MAP3K1: variants seen among roughly 807,000 people sequenced by gnomAD.
The protein encoded by MAP3K1 is mitogen-activated protein kinase kinase kinase 1.
Under a neutral mutation model 144.2 loss-of-function variants are expected in MAP3K1, and 36 were observed. The observed-to-expected ratio is 0.25, with a 90% CI of 0.19 to 0.33. The LOEUF is 0.33. Ranked by LOEUF, MAP3K1 falls within the 10% of genes least tolerant of loss-of-function variation. The pLI, the probability that MAP3K1 is intolerant of heterozygous loss-of-function variation, is 1.00. For missense variants in MAP3K1, 1,650 were observed against 1,881.9 expected, an observed-to-expected ratio of 0.88 and a Z score of 2.28; for synonymous variants, 718 against 688.7, an observed-to-expected ratio of 1.04 and a Z score of -0.67.
chr5:56,817,316 C>G (rs1031161146), intron 1 of MAP3K1, among the ~76,000 whole-genome samples: 1 of 152,148 alleles, frequency 6.6e-6, no homozygotes, highest in Non-Finnish European at 1.5e-5. Flanking sequence ...CCTCGTGGCC[C>G]TGTAGAATTC....
At chr5:56,836,846 A>G (rs925584541) in intron 1 of MAP3K1, among the ~76,000 whole-genome samples, 3 of 152,162 alleles carry the variant, frequency 2.0e-5, no homozygotes, top group African/African-American at 7.2e-5. Context: ...CAGTGAACAC[A>G]ATCGATTCAA....
At chr5:56,851,205 C>A (rs532364756) in intron 1 of MAP3K1, among the ~76,000 whole-genome samples, 2 of 152,318 alleles carry the variant, frequency 1.3e-5, no homozygotes, top group South Asian at 4.2e-4. Context: ...CTCGGCCTCT[C>A]AAAGTGCTGG....
intron 1 of MAP3K1, among the ~76,000 whole-genome samples, chr5:56,838,008 G>A (rs1001398713): frequency 6.6e-6 from 1 of 152,188 alleles, no homozygotes; most frequent in African/African-American, 2.4e-5. Flanking sequence ...AGGAAAACTA[G>A]ATAAACTAGG....
At chr5:56,866,031 G>A (rs957313347) in intron 6 of MAP3K1, 54 bp downstream of exon 6, 1 of 1,397,994 alleles carries the variant, frequency 7.2e-7, no homozygotes, top group African/African-American at 1.4e-5. Context: ...TTTAATTTTA[G>A]GGGTAATTTT....
At chr5:56,854,030 A>T (rs1747257855) in intron 1 of MAP3K1, among the ~76,000 whole-genome samples, 1 of 152,170 alleles carries the variant, frequency 6.6e-6, no homozygotes, top group African/African-American at 2.4e-5. Context: ...GAGCAGCTTG[A>T]CCTGGATGGG....
At position 56,821,016 on chromosome 5, in the gene MAP3K1, TCAA is replaced by T. The variant is rs1468291175; in HGVS notation, c.482+4964_482+4966del. On this transcript the variant is annotated intron_variant, in intron 1 of 19. Coordinates refer to ENST00000399503, the MANE Select transcript of MAP3K1 (RefSeq NM_005921.2). ...AAAGGAGATACGGGGAGCAAGAAAT[TCAA>T]CATCTGCTACTGCTAGTTCTGAAAT... is the stretch of plus-strand genomic sequence containing the variant. 1.2e-4 allele frequency among the ~76,000 whole-genome samples: 18 copies of T among 152,342 alleles called. No individual in the cohort carries two copies. In the East Asian group the frequency reaches 3.5e-3, roughly 29 times the overall value.
chr5:56,877,306 C>T (rs1748068915), intron 10 of MAP3K1, among the ~76,000 whole-genome samples: 1 of 152,154 alleles, frequency 6.6e-6, no homozygotes, highest in Admixed American at 6.5e-5. Context: ...TTTGTACACA[C>T]CGTAACTGCC....
At chr5:56,874,623 T>TTTTG (rs200744456) in intron 9 of MAP3K1, among the ~76,000 whole-genome samples, 10 of 152,150 alleles carry the variant, frequency 6.6e-5, no homozygotes, top group African/African-American at 2.4e-4. Context: ...TTGATTTGTT[T>TTTTG]TTTGTTTGTT....
intron 1 of MAP3K1, among the ~76,000 whole-genome samples, chr5:56,823,405 G>T (rs538778355): frequency 1.1e-4 from 16 of 152,246 alleles, no homozygotes; most frequent in African/African-American, 1.7e-4. Context: ...CCTCAGGGAA[G>T]CTTTCCCTCA....
chr5:56,856,100 GA>G (rs1353730087), intron 1 of MAP3K1, among the ~76,000 whole-genome samples: 1 of 152,128 alleles, frequency 6.6e-6, no homozygotes, highest in Non-Finnish European at 1.5e-5. Flanking sequence ...ACTGTTCTAT[GA>G]AAATAAAAAT....
chr5:56,884,636 A>AAG, intron 15 of MAP3K1, 28 bp from the exon 16 acceptor site: 1 of 1,612,232 alleles, frequency 6.2e-7, no homozygotes, highest in Non-Finnish European at 8.5e-7. Context: ...AATATGCAAA[A>AAG]CTTTGTGAAC....
intron 6 of MAP3K1, among the ~76,000 whole-genome samples, chr5:56,866,300 C>T (rs754977665): frequency 1.9e-4 from 29 of 151,932 alleles, no homozygotes; most frequent in Non-Finnish European, 4.0e-4. Context: ...CCCAGTTACT[C>T]GAGAGGCCAA....
chr5:56,893,899 C>T lies in MAP3K1; in HGVS notation c.*219C>T, dbSNP rs1412948244. ...ACTAGTGCAGAAACTGTAAACTGTG[C>T]CTTTCAAAGAACTGGCCCTAGGTGA... On this transcript the variant is annotated 3_prime_UTR_variant, in exon 20 of 20. Coordinates refer to ENST00000399503, the MANE Select transcript of MAP3K1 (RefSeq NM_005921.2). The T allele has an allele frequency of 1.7e-6, 1 of 576,756 alleles. No homozygotes were observed. The allele number at this position is 576,756 out of a possible 1,614,324, so 35.7% of individuals were successfully genotyped here. A position where few individuals can be genotyped will look rare whatever the true frequency, so the allele number is the denominator to read the frequency against.
At position 56,884,831 on chromosome 5, in the gene MAP3K1, G is replaced by C; in HGVS notation, c.3982+5G>C. 6.2e-7 allele frequency: 1 copy of C among 1,612,896 alleles called. No individual in the cohort carries two copies. The highest frequency in any genetic ancestry group is 8.5e-7 in the Non-Finnish European group (1 of 1,179,174). On this transcript the variant is annotated splice_donor_5th_base_variant and intron_variant, in intron 16 of 19. Transcript: ENST00000399503. ...TCTTCATTGAATGGATGGCAGGTAT[G>C]TTAATGTTTTAAATTACAAAATAGT... is the stretch of plus-strand genomic sequence containing the variant.
At chr5:56,835,858 A>T (rs1746638047) in intron 1 of MAP3K1, among the ~76,000 whole-genome samples, 1 of 152,076 alleles carries the variant, frequency 6.6e-6, no homozygotes, top group Non-Finnish European at 1.5e-5. Flanking sequence ...ATTGATGGTT[A>T]ATAGGAAGCC....
At chr5:56,872,260 A>G (rs1312783326) in intron 7 of MAP3K1, among the ~76,000 whole-genome samples, 2 of 152,222 alleles carry the variant, frequency 1.3e-5, no homozygotes, top group Non-Finnish European at 2.9e-5. Flanking sequence ...GACATATGTG[A>G]TAATGGAAGA....
rs781351333 is a variant in MAP3K1 at position 56,893,927 on chromosome 5, A to T, written c.*247A>T. 27 of 535,318 alleles carry T rather than the reference A, an allele frequency of 5.0e-5. No homozygotes were observed. Among genetic ancestry groups the T allele is most frequent in the Non-Finnish European group, 8.4e-5 (25 of 296,816 alleles). 33.2% of individuals were successfully genotyped at this position (535,318 alleles called of 1,614,324 possible). ...TTCAAAGAACTGGCCCTAGGTGAAC[A>T]GGAAAACAATGAAGTTTGCATGACT... is the stretch of plus-strand genomic sequence containing the variant. On this transcript the variant is annotated 3_prime_UTR_variant, in exon 20 of 20. Transcript: ENST00000399503.
In MAP3K1 at chr5:56,865,421, C is replaced by G. The variant is rs770657340; in HGVS notation, c.1117C>G (p.Pro373Ala). 6.2e-7 allele frequency: 1 copy of G among 1,600,592 alleles called. No homozygotes were observed. Among genetic ancestry groups the G allele is most frequent in the East Asian group, 2.3e-5 (1 of 44,396 alleles). Residue 373 changes from proline (P) to alanine (A), a missense_variant, in exon 5 of 20, where the codon CCA (proline) becomes GCA (alanine). Around this residue, in one of 6 missense-constraint regions of MAP3K1, gnomAD observed 125 missense variants for 179.9 expected, o/e 0.69. Coordinates refer to ENST00000399503, the MANE Select transcript of MAP3K1 (RefSeq NM_005921.2). ...LRVFQLEPSD[P>A]MLWRKTLKNF... ...GGTGTTTCAACTAGAACCTTCAGAC[C>G]CAATGTTATGGAGAAAAACTTTAAA...
chr5:56,842,582 G>A (rs949681913), intron 1 of MAP3K1, among the ~76,000 whole-genome samples: 1 of 152,196 alleles, frequency 6.6e-6, no homozygotes, highest in African/African-American at 2.4e-5. Flanking sequence ...TGCACTTGGT[G>A]CCATTGCAAG....
Sources: allele counts gnomAD v4.1 joint callset (sites outside exome capture counted in the v4.1 genomes callset), GRCh38; gene constraint gnomAD v4.1.1; regional missense constraint gnomAD v4.1.1; transcripts MANE v1.5; gene names NCBI Gene and HGNC (gene_info 2026-07-23, HGNC 2026-07-21).